SLC4A8: variants seen among roughly 807,000 people sequenced by gnomAD.
The protein encoded by SLC4A8 is electroneutral sodium bicarbonate exchanger 1.
Under a neutral mutation model 125.0 loss-of-function variants are expected in SLC4A8, and 40 were observed. That is an observed-to-expected ratio of 0.32 (90% confidence interval 0.25 to 0.42). The LOEUF (loss-of-function observed/expected upper bound fraction) is 0.42. Ranked by LOEUF, SLC4A8 falls within the 10% of genes least tolerant of loss-of-function variation. SLC4A8 has a pLI of 1.00. For missense variants in SLC4A8, 863 were observed against 1,355.1 expected (o/e 0.64, Z 5.70); for synonymous variants, 456 against 476.0 (o/e 0.96, Z 0.55).
At chr12:51,465,669 G>A (rs751517227) in intron 11 of SLC4A8, among the ~76,000 whole-genome samples, 4 of 152,116 alleles carry the variant, frequency 2.6e-5, no homozygotes, top group Non-Finnish European at 4.4e-5. Flanking sequence ...GCTTGATATG[G>A]GAGATGCTTC....
intron 8 of SLC4A8, among the ~76,000 whole-genome samples, 182 bp from the exon 9 acceptor site, chr12:51,461,022 G>A (rs887157156): frequency 6.6e-6 from 1 of 151,860 alleles, no homozygotes; most frequent in Non-Finnish European, 1.5e-5. Flanking sequence ...TGCCCATAGT[G>A]GAGCTATTAT....
chr12:51,435,468 C>T (rs1224126009), intron 1 of SLC4A8, among the ~76,000 whole-genome samples: 2 of 152,072 alleles, frequency 1.3e-5, no homozygotes, highest in Non-Finnish European at 1.5e-5. Flanking sequence ...TTAAAAGTGA[C>T]CTTGTGAAGC....
chr12:51,392,309 C>G (rs150722116), intron 1 of SLC4A8, among the ~76,000 whole-genome samples: 1,937 of 152,252 alleles, frequency 0.013, 27 homozygotes, highest in Non-Finnish European at 0.021. Flanking sequence ...CGCGGTGGTT[C>G]ATGCCTGTAA....
chr12:51,446,763 A>G (rs1269637583), intron 2 of SLC4A8, among the ~76,000 whole-genome samples: 1 of 152,176 alleles, frequency 6.6e-6, no homozygotes, highest in Non-Finnish European at 1.5e-5. Context: ...AGGTGAGATT[A>G]TGTACTCCTG....
chr12:51,463,408 GGGGT>G (rs1444370481), intron 10 of SLC4A8, among the ~76,000 whole-genome samples: 4 of 128,086 alleles, frequency 3.1e-5, no homozygotes, highest in African/African-American at 9.8e-5. Flanking sequence ...GAGAAATTAT[GGGGT>G]GTGTGTGTGT....
chr12:51,424,092 A>C (rs1310139144), upstream of SLC4A8, among the ~76,000 whole-genome samples: 2 of 150,788 alleles, frequency 1.3e-5, no homozygotes, highest in East Asian at 3.9e-4. Flanking sequence ...AAAACCCAAA[A>C]GGTACCTTTC....
At chr12:51,418,442 C>G (rs1397382025) in intron 1 of SLC4A8, among the ~76,000 whole-genome samples, 2 of 152,286 alleles carry the variant, frequency 1.3e-5, no homozygotes, top group African/African-American at 2.4e-5. Flanking sequence ...TATAATGGCT[C>G]TAGTCCATTT....
intron 1 of SLC4A8, among the ~76,000 whole-genome samples, chr12:51,440,190 C>G (rs1244550895): frequency 6.6e-6 from 1 of 152,142 alleles, no homozygotes; most frequent in Admixed American, 6.5e-5. Flanking sequence ...CTTCACAGCA[C>G]TTGCAAAATG....
chr12:51,422,175 T>C (rs1305811642), upstream of SLC4A8: 1 of 152,228 alleles, frequency 6.6e-6, no homozygotes, highest in Admixed American at 6.5e-5. Flanking sequence ...CTCAGTTTTT[T>C]ACCTGTGAAA....
intron 1 of SLC4A8, chr12:51,425,515 C>T (rs1592160946): frequency 1.2e-6 from 1 of 809,022 alleles, no homozygotes; most frequent in East Asian, 1.2e-4. Context: ...TGGGACCAAT[C>T]CCTGATAGGG....
intron 1 of SLC4A8, among the ~76,000 whole-genome samples, chr12:51,406,484 G>A (rs1948491605): frequency 6.6e-6 from 1 of 152,192 alleles, no homozygotes; most frequent in African/African-American, 2.4e-5. Context: ...ACAGAGGGGT[G>A]TGTGTAGGAG....
Position 51,470,404 on chromosome 12 carries a change from T to A in SLC4A8, c.1537T>A (p.Ser513Thr). The A allele has an allele frequency of 6.2e-7, 1 of 1,614,070 alleles. No homozygotes were observed. Among genetic ancestry groups the A allele is most frequent in the South Asian group, 1.1e-5 (1 of 91,082 alleles). The change falls in exon 13 of 25, where the codon TCC (serine) becomes ACC (threonine). Residue 513 changes from serine (S) to threonine (T), a missense_variant. Coordinates refer to ENST00000453097, the MANE Select transcript of SLC4A8 (RefSeq NM_001039960.3). ...ATEGRISAIE[S>T]LFGASMTGIA... ...TTTTTCCTCTCAGAGTGCAATTGAA[T>A]CCTTGTTTGGAGCTTCCATGACTGG...
chr12:51,459,901 A>G (rs1481099540), intron 7 of SLC4A8, 50 bp from the exon 8 acceptor site: 1 of 1,507,480 alleles, frequency 6.6e-7, no homozygotes, highest in Admixed American at 2.0e-5. Flanking sequence ...TAAAAACGAT[A>G]TTTAAGGTGG....
rs147544249 is a variant in SLC4A8, at chr12:51,406,776, C to T, written c.-112+15288C>T. 5.3e-5 allele frequency among the ~76,000 whole-genome samples: 8 copies of T among 152,338 alleles called. No individual in the cohort carries two copies. In the East Asian group the frequency reaches 1.4e-3, roughly 26 times the overall value. On this transcript the variant is annotated intron_variant, in intron 1 of 24. Transcript: ENST00000358657. ...CCCTCTGAGGCTTCACCCTCTCCCC[C>T]AGATCCTTGAGGTTACTAGTGTTGA...
At chr12:51,498,815 T>C (rs892065891) in intron 22 of SLC4A8, among the ~76,000 whole-genome samples, 2 of 30,648 alleles carry the variant, frequency 6.5e-5, no homozygotes. Context: ...GGGAGGCGGA[T>C]ATTGCAGTGA....
chr12:51,469,871 T>C, intron 12 of SLC4A8, 83 bp downstream of exon 12: 2 of 1,299,756 alleles, frequency 1.5e-6, no homozygotes, highest in Non-Finnish European at 2.2e-6. Flanking sequence ...TGGGGGAAAT[T>C]ACTTGGTCTA....
rs758235783 is a variant in SLC4A8, at chr12:51,512,235, G to A, written c.*4797G>A. The A allele has an allele frequency of 1.3e-5, 2 of 152,226 alleles. No homozygotes were observed. The highest frequency in any genetic ancestry group is 2.9e-5 in the Non-Finnish European group (2 of 68,054). The allele number at this position is 152,226 out of a possible 1,614,324, so 9.4% of individuals were successfully genotyped here. A position where few individuals can be genotyped will look rare whatever the true frequency, so the allele number is the denominator to read the frequency against. ...TCACTGTACAGCATTAACAAGGCTG[G>A]AATATGGCCCTCTGCTGTAGGGGGC... On this transcript the variant is annotated 3_prime_UTR_variant, in exon 25 of 25. Coordinates refer to ENST00000453097, the MANE Select transcript of SLC4A8 (RefSeq NM_001039960.3).
At chr12:51,434,835 A>T (rs529418584) in intron 1 of SLC4A8, among the ~76,000 whole-genome samples, 1 of 152,322 alleles carries the variant, frequency 6.6e-6, no homozygotes, top group South Asian at 2.1e-4. Context: ...AATTATTCAT[A>T]TATCTAATTA....
At chr12:51,476,895 C>G (rs962608155) in intron 16 of SLC4A8, among the ~76,000 whole-genome samples, 1 of 137,534 alleles carries the variant, frequency 7.3e-6, no homozygotes, top group African/African-American at 2.7e-5. Flanking sequence ...TCTTGTTTTT[C>G]TTTTTCTTTT....
Sources: allele counts gnomAD v4.1 joint callset (sites outside exome capture counted in the v4.1 genomes callset), GRCh38; gene constraint gnomAD v4.1.1; transcripts MANE v1.5; gene names NCBI Gene and HGNC (gene_info 2026-07-23, HGNC 2026-07-21).